Variants in OR2L13 observed in about 807,000 individuals in gnomAD.
The protein encoded by OR2L13 is olfactory receptor 2L13.
OR2L13 carries 14 observed loss-of-function variants against 15.3 expected under a neutral mutation model. The observed-to-expected ratio is 0.91, with a 90% confidence interval of 0.60 to 1.43. The LOEUF (loss-of-function observed/expected upper bound fraction) is 1.43. Ranked by LOEUF, OR2L13 falls within the 40% of genes most tolerant of loss-of-function variation. OR2L13 has a pLI of 0.00. For missense variants in OR2L13, 367 were observed against 387.9 expected (o/e 0.95, Z 0.45); for synonymous variants, 152 against 142.9 (o/e 1.06, Z -0.45).
the OR2L13 span, among the ~76,000 whole-genome samples, chr1:248,079,694 G>A: frequency 7.9e-5 from 12 of 152,092 alleles, no homozygotes; most frequent in Admixed American, 7.9e-4. Context: ...CTGTCACTGA[G>A]GCCTTTTCAA....
At chr1:248,079,679 C>T in the OR2L13 span, among the ~76,000 whole-genome samples, 4 of 152,116 alleles carry the variant, frequency 2.6e-5, no homozygotes, top group South Asian at 8.3e-4. Context: ...ATAACAATAC[C>T]TAATCTGTCA....
At chr1:247,977,431 T>A in the OR2L13 span, among the ~76,000 whole-genome samples, 1 of 152,188 alleles carries the variant, frequency 6.6e-6, no homozygotes, top group African/African-American at 2.4e-5. Flanking sequence ...CAGAATCCCA[T>A]CCATATCTAG....
At chr1:248,038,183 T>C in the OR2L13 span, 1 of 965,746 alleles carries the variant, frequency 1.0e-6, no homozygotes, top group South Asian at 1.6e-5. Context: ...GGGAGTCTTG[T>C]AATGCAGCCA....
the OR2L13 span, among the ~76,000 whole-genome samples, chr1:247,989,987 GA>G: frequency 1.3e-5 from 2 of 151,960 alleles, no homozygotes; most frequent in Non-Finnish European, 2.9e-5. Context: ...TTGAGAGAAA[GA>G]AAAAAACTGC....
chr1:248,017,855 G>C, the OR2L13 span, among the ~76,000 whole-genome samples: 1 of 152,168 alleles, frequency 6.6e-6, no homozygotes, highest in South Asian at 2.1e-4. Context: ...TGTAGAATGT[G>C]TCTGGTGGGT....
At chr1:248,095,364 G>A (rs1664691978), upstream of OR2L13, 1 of 152,090 alleles carries the variant, frequency 6.6e-6, no homozygotes, top group African/African-American at 2.4e-5. Flanking sequence ...ACAATGACTA[G>A]CTGTGGGAGC....
the OR2L13 span, among the ~76,000 whole-genome samples, chr1:247,974,133 A>G: frequency 4.5e-4 from 68 of 152,338 alleles, no homozygotes; most frequent in Non-Finnish European, 7.6e-4. Context: ...TTGCAGGGAC[A>G]TGGATGAAGC....
the OR2L13 span, among the ~76,000 whole-genome samples, chr1:248,021,750 C>T: frequency 6.6e-6 from 1 of 152,032 alleles, no homozygotes; most frequent in African/African-American, 2.4e-5. Context: ...TTGTTAATTT[C>T]TTCCTTGTCT....
the OR2L13 span, among the ~76,000 whole-genome samples, chr1:248,078,698 T>G: frequency 6.6e-6 from 1 of 152,002 alleles, no homozygotes; most frequent in Non-Finnish European, 1.5e-5. Flanking sequence ...TCACTTGTAA[T>G]AGCAAAATCT....
the OR2L13 span, among the ~76,000 whole-genome samples, chr1:247,988,691 T>C: frequency 6.6e-6 from 1 of 152,290 alleles, no homozygotes; most frequent in East Asian, 1.9e-4. Context: ...TCAGTCCTTT[T>C]AGGCATTCAG....
the OR2L13 span, among the ~76,000 whole-genome samples, chr1:248,071,026 C>G: frequency 6.6e-6 from 1 of 152,108 alleles, no homozygotes; most frequent in South Asian, 2.1e-4. Flanking sequence ...GATGGATTCA[C>G]AGCCGAATTC....
chr1:247,991,913 G>A, the OR2L13 span, among the ~76,000 whole-genome samples: 2 of 149,538 alleles, frequency 1.3e-5, no homozygotes, highest in African/African-American at 5.0e-5. Flanking sequence ...TAATCTCTGA[G>A]GAGAGGAGGC....
At chr1:248,003,641 A>G in the OR2L13 span, 1 of 1,611,940 alleles carries the variant, frequency 6.2e-7, no homozygotes, top group African/African-American at 1.3e-5. Flanking sequence ...TTGCCCATCT[A>G]GGGTTATCAA....
At chr1:248,076,364 T>G in the OR2L13 span, among the ~76,000 whole-genome samples, 1 of 152,192 alleles carries the variant, frequency 6.6e-6, no homozygotes, top group Non-Finnish European at 1.5e-5. Context: ...TTAAAGTAGT[T>G]TTTTACAGTT....
At chr1:248,078,643 C>T in the OR2L13 span, among the ~76,000 whole-genome samples, 5 of 152,122 alleles carry the variant, frequency 3.3e-5, no homozygotes, top group East Asian at 3.9e-4. Context: ...TAAAAACTTA[C>T]AGTCATTCAA....
the OR2L13 span, among the ~76,000 whole-genome samples, chr1:248,012,087 T>G: frequency 1.3e-5 from 2 of 152,182 alleles, no homozygotes; most frequent in African/African-American, 4.8e-5. Context: ...TTCTAATCAC[T>G]TCTTCCAGAA....
At chr1:248,079,788 A>G in the OR2L13 span, among the ~76,000 whole-genome samples, 1 of 152,252 alleles carries the variant, frequency 6.6e-6, no homozygotes, top group African/African-American at 2.4e-5. Flanking sequence ...TTAGCATAGT[A>G]GACTATCTTT....
At chr1:248,096,090 A>G (rs536166247), upstream of OR2L13, among the ~76,000 whole-genome samples, 7 of 152,126 alleles carry the variant, frequency 4.6e-5, no homozygotes, top group South Asian at 1.5e-3. Context: ...AAATTGAAAA[A>G]GAAGGCTGGG....
chr1:247,987,003 A>G, the OR2L13 span, among the ~76,000 whole-genome samples: 1 of 152,110 alleles, frequency 6.6e-6, no homozygotes, highest in Non-Finnish European at 1.5e-5. Context: ...TTTTCAGTGT[A>G]TAAGCCTTTT....
Sources: gnomAD v4.1 joint callset for allele counts (sites outside exome capture counted in the v4.1 genomes callset) on GRCh38, gnomAD v4.1.1 for gene constraint, MANE v1.5 for transcripts, NCBI Gene and HGNC (gene_info 2026-07-23, HGNC 2026-07-21) for gene names.